Variants in NRXN1 observed in about 807,000 individuals in gnomAD.
The protein encoded by NRXN1 is neurexin 1.
A neutral mutation model predicts 150.9 loss-of-function variants in NRXN1; 39 were observed. The ratio of observed to expected loss-of-function variants is 0.26; its 90% CI spans 0.20 to 0.34. The LOEUF (loss-of-function observed/expected upper bound fraction) is 0.34, where lower values mean the gene tolerates loss of function less well. NRXN1 is among the 10% of genes least tolerant of loss of function. The pLI is 1.00. For synonymous variants in NRXN1, 924 were observed against 757.0 expected (o/e 1.22, Z -3.62); for missense variants, 1,815 against 1,949.9 (o/e 0.93, Z 1.30).
At chr2:50,382,419 T>G (rs965883785) in intron 17 of NRXN1, among the ~76,000 whole-genome samples, 10 of 152,202 alleles carry the variant, frequency 6.6e-5, no homozygotes, top group Non-Finnish European at 2.9e-5. Context: ...TTACAGACTT[T>G]ACTTAGTTTA....
At chr2:50,414,071 G>A (rs889781301) in intron 17 of NRXN1, among the ~76,000 whole-genome samples, 3 of 151,582 alleles carry the variant, frequency 2.0e-5, no homozygotes, top group Admixed American at 6.6e-5. Flanking sequence ...CCGTGTGCAG[G>A]GGAGGTAAGG....
chr2:51,011,381 G>C (rs755621964), intron 2 of NRXN1, among the ~76,000 whole-genome samples: 14 of 152,030 alleles, frequency 9.2e-5, no homozygotes, highest in Non-Finnish European at 2.1e-4. Flanking sequence ...GAAGAAATCA[G>C]ATGGGATGAT....
Position 50,136,713 on chromosome 2 carries a change from T to C in NRXN1, c.3547-45219A>G, listed in dbSNP as rs140408480. Reference sequence around the variant, plus strand: ...ACAGCCATGAAATCCTATGTGCAAATTGAATATCAAACTAATACTGTTTTT... The same window carrying C: ...ACAGCCATGAAATCCTATGTGCAAACTGAATATCAAACTAATACTGTTTTT... On this transcript the variant is annotated intron_variant, in intron 18 of 22. Transcript: ENST00000401669. 2.6e-5 allele frequency among the ~76,000 whole-genome samples: 4 copies of C among 152,336 alleles called. No homozygotes were observed. The East Asian group carries it at 5.8e-4, about 22-fold the overall frequency.
intron 18 of NRXN1, among the ~76,000 whole-genome samples, chr2:50,219,892 TACACACAC>T (rs1286837616): frequency 3.2e-5 from 3 of 93,328 alleles, no homozygotes; most frequent in African/African-American, 1.3e-4. Context: ...TACATATATA[TACACACAC>T]ATATATATAT....
intron 21 of NRXN1, among the ~76,000 whole-genome samples, chr2:50,012,416 CA>C (rs1366067893): frequency 6.6e-6 from 1 of 152,148 alleles, no homozygotes; most frequent in South Asian, 2.1e-4. Flanking sequence ...ATAATTCATA[CA>C]AAATATTAGT....
intron 19 of NRXN1, among the ~76,000 whole-genome samples, chr2:50,080,558 G>C (rs1305220179): frequency 6.6e-6 from 1 of 152,068 alleles, no homozygotes; most frequent in Non-Finnish European, 1.5e-5. Context: ...TTCACTGAGA[G>C]ACCTTTCCAA....
At chr2:49,956,680 C>T (rs17491776) in intron 21 of NRXN1, among the ~76,000 whole-genome samples, 44,980 of 152,000 alleles carry the variant, frequency 0.3, 7,395 homozygotes, top group South Asian at 0.43. Context: ...ATTACATGCT[C>T]TCTTCCAGTT....
At chr2:50,349,818 T>C (rs1423065090) in intron 17 of NRXN1, among the ~76,000 whole-genome samples, 5 of 152,212 alleles carry the variant, frequency 3.3e-5, no homozygotes, top group African/African-American at 1.2e-4. Context: ...TTCAGTTGCC[T>C]TCCATCTAAA....
chr2:49,969,972 G>C (rs1466051705), intron 21 of NRXN1: 1 of 152,066 alleles, frequency 6.6e-6, no homozygotes, highest in African/African-American at 2.4e-5. Context: ...TAAAAAAGCA[G>C]GGGGAACAAA....
intron 5 of NRXN1, among the ~76,000 whole-genome samples, chr2:50,753,197 A>G (rs895099055): frequency 1.3e-5 from 2 of 151,936 alleles, no homozygotes; most frequent in Non-Finnish European, 1.5e-5. Flanking sequence ...TATTTGGAGA[A>G]AAAAAGGTTC....
At chr2:50,551,074 A>AGAAGAGGAG (rs1553775804) in intron 9 of NRXN1, among the ~76,000 whole-genome samples, 15 of 110,784 alleles carry the variant, frequency 1.4e-4, no homozygotes, top group South Asian at 3.6e-4. Context: ...AAGAAGAAGA[A>AGAAGAGGAG]GAGGAGGAGG....
chr2:50,529,785 C>A (rs2093051240), intron 11 of NRXN1, among the ~76,000 whole-genome samples: 1 of 152,122 alleles, frequency 6.6e-6, no homozygotes, highest in Non-Finnish European at 1.5e-5. Context: ...TTTTGATTGG[C>A]TTGTAATAAC....
chr2:50,196,032 C>T (rs1225499035), intron 18 of NRXN1, among the ~76,000 whole-genome samples: 3 of 151,824 alleles, frequency 2.0e-5, no homozygotes, highest in Non-Finnish European at 2.9e-5. Flanking sequence ...CATATGTAAA[C>T]GTGTGCCATG....
intron 17 of NRXN1, among the ~76,000 whole-genome samples, chr2:50,356,283 T>G (rs937244933): frequency 1.3e-5 from 2 of 152,124 alleles, no homozygotes; most frequent in African/African-American, 2.4e-5. Context: ...GCTATAAGAG[T>G]TGGAAAAACT....
chr2:50,197,116 C>CT, intron 18 of NRXN1, among the ~76,000 whole-genome samples: 1 of 152,030 alleles, frequency 6.6e-6, no homozygotes, highest in Non-Finnish European at 1.5e-5. Context: ...TCCTAGCAAA[C>CT]TTTTTTTCAG....
At chr2:50,042,599 C>T (rs1450219063) in intron 21 of NRXN1, among the ~76,000 whole-genome samples, 2 of 152,146 alleles carry the variant, frequency 1.3e-5, no homozygotes, top group African/African-American at 4.8e-5. Flanking sequence ...ATCTTAGCAT[C>T]ATTTTATGCA....
At chr2:50,311,012 C>T (rs2075132056) in intron 17 of NRXN1, among the ~76,000 whole-genome samples, 1 of 152,080 alleles carries the variant, frequency 6.6e-6, no homozygotes, top group South Asian at 2.1e-4. Flanking sequence ...TAGATAATGG[C>T]AAAGGCCGCA....
intron 12 of NRXN1, among the ~76,000 whole-genome samples, chr2:50,511,621 T>C (rs543685102): frequency 8.5e-5 from 13 of 152,294 alleles, no homozygotes; most frequent in African/African-American, 1.7e-4. Context: ...TCAGTGTAAA[T>C]TGAGTGTTCT....
chr2:50,333,182 C>A (rs2076942776), intron 17 of NRXN1, among the ~76,000 whole-genome samples: 1 of 152,152 alleles, frequency 6.6e-6, no homozygotes, highest in African/African-American at 2.4e-5. Context: ...AGCCTGTGCT[C>A]CCCTACGTGG....
Sources: allele counts gnomAD v4.1 joint callset (sites outside exome capture counted in the v4.1 genomes callset), GRCh38; gene constraint gnomAD v4.1.1; transcripts MANE v1.5; gene names NCBI Gene and HGNC (gene_info 2026-07-23, HGNC 2026-07-21).